The following DLG1 variants were observed in gnomAD, a reference collection of about 807,000 sequenced individuals.
DLG1 encodes discs large MAGUK scaffold protein 1.
Under a neutral mutation model 123.4 loss-of-function variants are expected in DLG1, and 42 were observed. That is an observed-to-expected ratio of 0.34 (90% CI 0.27 to 0.44). The LOEUF (loss-of-function observed/expected upper bound fraction) is 0.44. Among genes scored for constraint, DLG1 ranks in the 20% least tolerant of loss-of-function variants. DLG1 has a pLI of 1.00. For synonymous variants in DLG1, 317 were observed against 356.2 expected (o/e 0.89, Z 1.24); for missense variants, 942 against 1,082.6 (o/e 0.87, Z 1.82).
At chr3:197,295,675 C>A (rs146031553) in intron 3 of DLG1, among the ~76,000 whole-genome samples, 33 of 152,256 alleles carry the variant, frequency 2.2e-4, no homozygotes, top group African/African-American at 7.7e-4. Flanking sequence ...TAAACCCATT[C>A]TGTCATTTCA....
At position 197,068,402 on chromosome 3, in the gene DLG1, T is replaced by A. The variant is rs1338896621; in HGVS notation, c.2047+817A>T. 8.9e-6 allele frequency: 7 copies of A among 790,788 alleles called. No individual in the cohort carries two copies. In the South Asian group the frequency reaches 1.2e-4, roughly 13 times the overall value. 49.0% of individuals were successfully genotyped at this position (790,788 alleles called of 1,614,324 possible). A position where few individuals can be genotyped will look rare whatever the true frequency, so the allele number is the denominator to read the frequency against. On this transcript the variant is annotated intron_variant, in intron 19 of 24. Transcript: ENST00000667157. ...CCACACCAAAAAAAAAATCATTAAGTAACTATTGTGTAGAAAAATAATCAA... is the reference window on the plus strand; with the variant it reads ...CCACACCAAAAAAAAAATCATTAAGAAACTATTGTGTAGAAAAATAATCAA...
intron 22 of DLG1, among the ~76,000 whole-genome samples, chr3:197,061,226 AAAT>A (rs1735541160): frequency 6.6e-6 from 1 of 152,266 alleles, no homozygotes. Context: ...ATAGAAAAGT[AAAT>A]AATAGACACC....
intron 4 of DLG1, among the ~76,000 whole-genome samples, chr3:197,209,850 C>A (rs1037291506): frequency 2.0e-5 from 3 of 146,558 alleles, no homozygotes; most frequent in Non-Finnish European, 3.1e-5. Context: ...AGAATTTAAC[C>A]TTGCTTTTAG....
intron 4 of DLG1, among the ~76,000 whole-genome samples, chr3:197,233,122 A>T (rs1215810582): frequency 6.6e-6 from 1 of 152,226 alleles, no homozygotes. Flanking sequence ...GTAAAATAAA[A>T]AAATTATGAT....
At chr3:197,152,402 G>A (rs1476616926) in intron 5 of DLG1, among the ~76,000 whole-genome samples, 2 of 145,008 alleles carry the variant, frequency 1.4e-5, no homozygotes. Flanking sequence ...CGCTGTCTTG[G>A]TTAAGGATCC....
intron 14 of DLG1, among the ~76,000 whole-genome samples, chr3:197,097,496 T>C (rs1021113038): frequency 6.6e-6 from 1 of 152,134 alleles, no homozygotes; most frequent in African/African-American, 2.4e-5. Flanking sequence ...TAACAAATTT[T>C]GGTTTGGCTT....
chr3:197,272,294 T>A (rs1353589249), intron 4 of DLG1, among the ~76,000 whole-genome samples: 2 of 151,244 alleles, frequency 1.3e-5, no homozygotes, highest in Admixed American at 1.3e-4. Context: ...AAGGGTGCAG[T>A]CAGCTATGAT....
In DLG1 at chr3:197,165,760, G is replaced by A. The variant is rs1055721203; in HGVS notation, c.484-15964C>T. ...TATGAATGCATAAGAAAAGCGTGGTGGTTTTGTAAGAACTGTGCTTGGATC... is the reference window on the plus strand; with the variant it reads ...TATGAATGCATAAGAAAAGCGTGGTAGTTTTGTAAGAACTGTGCTTGGATC... On this transcript the variant is annotated intron_variant, in intron 5 of 24. Transcript: ENST00000667157. Among the ~76,000 whole-genome samples the A allele has an allele frequency of 5.3e-5, 8 of 152,264 alleles. 1 individual carries two copies. The highest frequency in any genetic ancestry group is 1.9e-4 in the African/African-American group (8 of 41,534).
chr3:197,054,810 A>C (rs1052648437), intron 23 of DLG1, among the ~76,000 whole-genome samples: 6 of 151,030 alleles, frequency 4.0e-5, no homozygotes, highest in African/African-American at 1.5e-4. Context: ...ATGGCCAGCT[A>C]ATTTTTGTTT....
chr3:197,186,188 C>A (rs769856891), intron 5 of DLG1, among the ~76,000 whole-genome samples: 4 of 152,118 alleles, frequency 2.6e-5, no homozygotes, highest in Non-Finnish European at 5.9e-5. Context: ...AAAATCTATA[C>A]CTAAATCACA....
At chr3:197,079,027 C>T (rs1749178842) in intron 17 of DLG1, among the ~76,000 whole-genome samples, 1 of 150,914 alleles carries the variant, frequency 6.6e-6, no homozygotes, top group Non-Finnish European at 1.5e-5. Flanking sequence ...CATTTAATAT[C>T]CTCCAGGTGA....
At chr3:197,147,694 T>C (rs892378273) in intron 6 of DLG1, among the ~76,000 whole-genome samples, 3 of 151,936 alleles carry the variant, frequency 2.0e-5, no homozygotes, top group Non-Finnish European at 4.4e-5. Flanking sequence ...GGGTGAGGGA[T>C]AAAAGACTAC....
chr3:197,065,675 T>C, intron 21 of DLG1, 33 bp downstream of exon 21: 2 of 1,434,322 alleles, frequency 1.4e-6, no homozygotes, highest in Non-Finnish European at 2.0e-6. Context: ...ATGTTAAGAG[T>C]AACAATTAAA....
At chr3:197,069,006 ATATTT>A (rs1228855459) in intron 19 of DLG1, among the ~76,000 whole-genome samples, 2 of 122,970 alleles carry the variant, frequency 1.6e-5, no homozygotes, top group African/African-American at 5.4e-5. Context: ...TACACAAATA[ATATTT>A]TTATTTTATT....
At chr3:197,091,168 C>A in intron 14 of DLG1, 142 bp from the exon 15 acceptor site, 1 of 507,836 alleles carries the variant, frequency 2.0e-6, no homozygotes, top group South Asian at 4.4e-5. Context: ...AAGATTTTGC[C>A]CAACACATAA....
intron 19 of DLG1, among the ~76,000 whole-genome samples, chr3:197,067,561 T>TTTG (rs1451175723): frequency 6.9e-6 from 1 of 145,142 alleles, no homozygotes; most frequent in Non-Finnish European, 1.5e-5. Flanking sequence ...GTTTTTTTTT[T>TTTG]TTTTTTTTTT....
chr3:197,063,834 T>C (rs1737518336), intron 22 of DLG1, among the ~76,000 whole-genome samples: 1 of 152,160 alleles, frequency 6.6e-6, no homozygotes, highest in Admixed American at 6.5e-5. Flanking sequence ...AATGCACAAC[T>C]GTTTTCTCTC....
At chr3:197,173,211 T>C (rs1354394111) in intron 5 of DLG1, among the ~76,000 whole-genome samples, 1 of 152,208 alleles carries the variant, frequency 6.6e-6, no homozygotes, top group Non-Finnish European at 1.5e-5. Flanking sequence ...TCCGTATCTC[T>C]AGATTCCTCA....
chr3:197,102,093 A>T (rs1490918024), intron 14 of DLG1, among the ~76,000 whole-genome samples: 2 of 152,166 alleles, frequency 1.3e-5, no homozygotes, highest in African/African-American at 4.8e-5. Flanking sequence ...GATTAACAGT[A>T]AAGGCCCCCC....
Sources: allele counts gnomAD v4.1 joint callset (sites outside exome capture counted in the v4.1 genomes callset), GRCh38; gene constraint gnomAD v4.1.1; transcripts MANE v1.5; gene names NCBI Gene and HGNC (gene_info 2026-07-23, HGNC 2026-07-21).